Variants in H3-3B observed in about 807,000 individuals in gnomAD.
H3-3B encodes the protein histone H3.3.
In H3-3B, 2 loss-of-function variants were observed where a neutral mutation model predicts 13.1. That is an observed-to-expected ratio of 0.15 (90% confidence interval 0.06 to 0.48). The LOEUF (loss-of-function observed/expected upper bound fraction) is 0.48. H3-3B is among the 20% of genes least tolerant of loss of function. The probability of loss-of-function intolerance (pLI) is 0.97; values close to 1 mark genes in which losing one functional copy is unlikely to be tolerated. For synonymous variants in H3-3B, 133 were observed against 75.8 expected (o/e 1.76, Z -3.92); for missense variants, 39 against 186.0 (o/e 0.21, Z 4.60).
rs951126003 is a variant in H3-3B at position 75,776,780 on chromosome 17, C to G, written c.*1815G>C. On this transcript the variant is annotated 3_prime_UTR_variant, in exon 4 of 4. Transcript: ENST00000254810. ...TCATCACCGTAGCCAGGTTTGTGTACTTTGTTTCCAGACACGCTACAGCAT... is the reference window on the plus strand; with the variant it reads ...TCATCACCGTAGCCAGGTTTGTGTAGTTTGTTTCCAGACACGCTACAGCAT... The G allele has an allele frequency of 2.6e-5, 4 of 152,240 alleles. No individual in the cohort carries two copies. Among genetic ancestry groups the G allele is most frequent in the African/African-American group, 9.7e-5 (4 of 41,442 alleles). 9.4% of individuals were successfully genotyped at this position (152,240 alleles called of 1,614,324 possible). A position where few individuals can be genotyped will look rare whatever the true frequency, so the allele number is the denominator to read the frequency against.
At position 75,778,531 on chromosome 17, in the gene H3-3B, G is replaced by A. The variant is rs944391475; in HGVS notation, c.*64C>T. On this transcript the variant is annotated 3_prime_UTR_variant, in exon 4 of 4. Transcript: ENST00000254810. ...TTATAAACAATTTCTTACAAAAAAA[G>A]TCACAAATTAAACCAAAGTATTTTA... 6.2e-5 allele frequency: 97 copies of A among 1,555,620 alleles called. No homozygotes were observed. Among genetic ancestry groups the A allele is most frequent in the Non-Finnish European group, 7.6e-5 (88 of 1,150,500 alleles).
Position 75,778,116 on chromosome 17 carries a change from TAC to T in H3-3B, c.*477_*478del, listed in dbSNP as rs1417417077. The stretch of plus-strand genomic sequence containing the variant: ...TAGTGTATTCTATAGCTGCCAGGTT[TAC>T]TTTTTTTTTTTTTAAAGGAAACTGT... On this transcript the variant is annotated 3_prime_UTR_variant, in exon 4 of 4. Transcript: ENST00000254810. 3 of 151,426 alleles carry T rather than the reference TAC, an allele frequency of 2.0e-5. No homozygotes were observed. Among genetic ancestry groups the T allele is most frequent in the African/African-American group, 7.5e-5 (3 of 39,932 alleles). The allele number at this position is 151,426 out of a possible 1,614,324, so 9.4% of individuals were successfully genotyped here.
At chr17:75,778,773 C>T in intron 3 of H3-3B, 37 bp downstream of exon 3, 2 of 1,614,108 alleles carry the variant, frequency 1.2e-6, no homozygotes, top group Non-Finnish European at 8.5e-7. Flanking sequence ...GAGCGGAAAC[C>T]GCCCAGCCCT....
rs2061646320 is a variant in H3-3B, at chr17:75,777,851, C to T, written c.*744G>A. The T allele has an allele frequency of 6.6e-6, 1 of 152,520 alleles. No individual in the cohort carries two copies. The highest frequency in any genetic ancestry group is 1.9e-4 in the East Asian group (1 of 5,200). The allele number at this position is 152,520 out of a possible 1,614,324, so 9.4% of individuals were successfully genotyped here. A position where few individuals can be genotyped will look rare whatever the true frequency, so the allele number is the denominator to read the frequency against. Reference sequence around the variant, plus strand: ...TCTAGAGCCCTTATAAATAAAATCCCCCAGTTAGTGTTTGCATTATCAGCT... The same window carrying T: ...TCTAGAGCCCTTATAAATAAAATCCTCCAGTTAGTGTTTGCATTATCAGCT... On this transcript the variant is annotated 3_prime_UTR_variant, in exon 4 of 4. Coordinates refer to ENST00000254810, the MANE Select transcript of H3-3B (RefSeq NM_005324.5).
Position 75,778,701 on chromosome 17 carries a change from A to G in H3-3B, c.305T>C (p.Val102Ala). 1 of 1,614,134 alleles carries G rather than the reference A, an allele frequency of 6.2e-7. No homozygotes were observed. The highest frequency in any genetic ancestry group is 1.1e-5 in the South Asian group (1 of 91,078). The stretch of plus-strand genomic sequence containing the variant: ...CAGGTTGGTATCTTCGAACAGACCC[A>G]CCAGGTACGCTTCGCTAGCCTCCTG... ...ALQEASEAYL[V>A]GLFEDTNLCA... is the part of the protein sequence containing the mutation. The change falls in exon 4 of 4, where the codon GTG (valine) becomes GCG (alanine). Residue 102 changes from valine (V) to alanine (A), a missense_variant. By Grantham distance (64) the Val-to-Ala change is moderately conservative (BLOSUM62 0). Transcript: ENST00000254810.
At chr17:75,779,014 A>ACCG (rs756599830) in intron 2 of H3-3B, 33 bp downstream of exon 2, 9 of 1,611,814 alleles carry the variant, frequency 5.6e-6, no homozygotes, top group Non-Finnish European at 7.6e-6. Flanking sequence ...AAAGCCGGCC[A>ACCG]CCGCCGGGCC....
chr17:75,777,080 T>G lies in H3-3B; in HGVS notation c.*1515A>C, dbSNP rs1031655853. 1.3e-5 allele frequency: 2 copies of G among 152,244 alleles called. No individual in the cohort carries two copies. The highest frequency in any genetic ancestry group is 2.9e-5 in the Non-Finnish European group (2 of 68,042). 9.4% of individuals were successfully genotyped at this position (152,244 alleles called of 1,614,324 possible). ...AAACGTGGAACGCTTTGATGACTGC[T>G]GGCTCTCATGCTGTCTCACTGACAT... On this transcript the variant is annotated 3_prime_UTR_variant, in exon 4 of 4. Transcript: ENST00000254810.
rs913325178 is a variant in H3-3B at position 75,778,494 on chromosome 17, A to C, written c.*101T>G. On this transcript the variant is annotated 3_prime_UTR_variant, in exon 4 of 4. Transcript: ENST00000254810. ...GTGAAAGATGGAATGACTTAAGTAC[A>C]AATGCAACATATTATAAACAATTTC... 2.0e-6 allele frequency: 3 copies of C among 1,477,800 alleles called. No homozygotes were observed. The highest frequency in any genetic ancestry group is 2.8e-6 in the Non-Finnish European group (3 of 1,088,604). 91.5% of individuals were successfully genotyped at this position (1,477,800 alleles called of 1,614,324 possible). A position where few individuals can be genotyped will look rare whatever the true frequency, so the allele number is the denominator to read the frequency against.
Position 75,779,087 on chromosome 17 carries a change from C to T in H3-3B, c.88G>A (p.Ala30Thr). 6.2e-7 allele frequency: 1 copy of T among 1,606,710 alleles called. No homozygotes were observed. Among genetic ancestry groups the T allele is most frequent in the Non-Finnish European group, 8.5e-7 (1 of 1,177,260 alleles). ...QLATKAARKS[A>T]PSTGGVKKPH... ...TTCTTCACCCCGCCGGTAGAGGGAG[C>T]GCTTTTCCTGGCGGCTTTCGTGGCC... is the stretch of plus-strand genomic sequence containing the variant. Residue 30 changes from alanine to threonine, a missense_variant, in exon 2 of 4, where the codon GCT becomes ACT. Transcript: ENST00000254810.
In H3-3B at chr17:75,778,717, T is replaced by C. The variant is rs776430564; in HGVS notation, c.289A>G (p.Ser97Gly). 2.5e-6 allele frequency: 4 copies of C among 1,614,038 alleles called. No individual in the cohort carries two copies. Among genetic ancestry groups the C allele is most frequent in the Non-Finnish European group, 3.4e-6 (4 of 1,180,016 alleles). Residue 97 changes from serine to glycine, a missense_variant, in exon 4 of 4, where the codon AGC (serine) becomes GGC (glycine). Transcript: ENST00000254810. ...AACAGACCCACCAGGTACGCTTCGC[T>C]AGCCTCCTGTTGAGGACGAGAGCCG... ...SAAIGALQEA[S>G]EAYLVGLFED...
Position 75,778,825 on chromosome 17 carries a change from G to A in H3-3B, c.267C>T (p.Ala89=), listed in dbSNP as rs150028698. ...TTTGTCTTACCTGCAGCGCACCGAT[G>A]GCTGCGCTCTGAAACCTCAGGTCGG... ...FKTDLRFQSA[A]IGALQEASEA... Residue 89 remains alanine, a synonymous_variant, in exon 3 of 4, where the codon GCC becomes GCT. Coordinates refer to ENST00000254810, the MANE Select transcript of H3-3B (RefSeq NM_005324.5). 1.9e-5 allele frequency: 31 copies of A among 1,614,184 alleles called. No homozygotes were observed. The highest frequency in any genetic ancestry group is 6.7e-5 in the East Asian group (3 of 44,882).
In H3-3B at chr17:75,779,347, C is replaced by T. The variant is rs1436472115; in HGVS notation, c.-10-163G>A. The T allele has an allele frequency of 4.1e-5, 27 of 661,208 alleles. No homozygotes were observed. The East Asian group carries it at 9.3e-4, about 23-fold the overall frequency. The allele number at this position is 661,208 out of a possible 1,614,324, so 41.0% of individuals were successfully genotyped here. On this transcript the variant is annotated intron_variant, in intron 1 of 3. Transcript: ENST00000254810. ...GAGGGCCGCCAACCTCCTCCCCCTCCCCTAATGACTCAGGCTGCGAGGAGC... is the reference window on the plus strand; with the variant it reads ...GAGGGCCGCCAACCTCCTCCCCCTCTCCTAATGACTCAGGCTGCGAGGAGC...
Position 75,778,731 on chromosome 17 carries a change from G to T in H3-3B, c.283-8C>A. The T allele has an allele frequency of 6.2e-7, 1 of 1,614,160 alleles. No individual in the cohort carries two copies. The highest frequency in any genetic ancestry group is 8.5e-7 in the Non-Finnish European group (1 of 1,180,028). On this transcript the variant is annotated splice_region_variant and splice_polypyrimidine_tract_variant and intron_variant, in intron 3 of 3. Coordinates refer to ENST00000254810, the MANE Select transcript of H3-3B (RefSeq NM_005324.5). Reference sequence around the variant, plus strand: ...GTACGCTTCGCTAGCCTCCTGTTGAGGACGAGAGCCGCACTATTAATCCCA... The same window carrying T: ...GTACGCTTCGCTAGCCTCCTGTTGATGACGAGAGCCGCACTATTAATCCCA...
At chr17:75,779,381 C>A (rs750003623) in intron 1 of H3-3B, 197 bp from the exon 2 acceptor site, 33 of 468,980 alleles carry the variant, frequency 7.0e-5, no homozygotes, top group Non-Finnish European at 1.4e-5. Context: ...GCGGCAGCCT[C>A]CCCCGGGAGG....
chr17:75,778,421 C>T lies in H3-3B; in HGVS notation c.*174G>A. The stretch of plus-strand genomic sequence containing the variant: ...AACTTGTCACTCCTGAGCAACAGTG[C>T]TCACATCACTGAGGTCTGTGAACAG... On this transcript the variant is annotated 3_prime_UTR_variant, in exon 4 of 4. Transcript: ENST00000254810. 2 of 837,274 alleles carry T rather than the reference C, an allele frequency of 2.4e-6. No homozygotes were observed. The allele number at this position is 837,274 out of a possible 1,614,324, so 51.9% of individuals were successfully genotyped here.
Position 75,776,519 on chromosome 17 carries a change from C to T in H3-3B, c.*2076G>A, listed in dbSNP as rs1599341323. On this transcript the variant is annotated 3_prime_UTR_variant, in exon 4 of 4. Coordinates refer to ENST00000254810, the MANE Select transcript of H3-3B (RefSeq NM_005324.5). Reference sequence around the variant, plus strand: ...TGCAACTTCTGCTTTTCTCCTTTGCCTCTGCTCCTTTACCCTTACCGAGGG... The same window carrying T: ...TGCAACTTCTGCTTTTCTCCTTTGCTTCTGCTCCTTTACCCTTACCGAGGG... 1 of 152,220 alleles carries T rather than the reference C, an allele frequency of 6.6e-6. No homozygotes were observed. Among genetic ancestry groups the T allele is most frequent in the South Asian group, 2.1e-4 (1 of 4,836 alleles). 9.4% of individuals were successfully genotyped at this position (152,220 alleles called of 1,614,324 possible). A position where few individuals can be genotyped will look rare whatever the true frequency, so the allele number is the denominator to read the frequency against.
intron 1 of H3-3B, chr17:75,779,397 C>T (rs2061655118): frequency 2.5e-6 from 1 of 406,600 alleles, no homozygotes; most frequent in Non-Finnish European, 4.2e-6. Context: ...GGAGGGGGAG[C>T]GCGGGGAGGA....
rs370991523 is a variant in H3-3B, at chr17:75,779,178, C to T, written c.-4G>A. 54 of 1,526,114 alleles carry T rather than the reference C, an allele frequency of 3.5e-5. No individual in the cohort carries two copies. Among genetic ancestry groups the T allele is most frequent in the Non-Finnish European group, 4.6e-5 (52 of 1,140,978 alleles). The allele number at this position is 1,526,114 out of a possible 1,614,324, so 94.5% of individuals were successfully genotyped here. On this transcript the variant is annotated 5_prime_UTR_variant, in exon 2 of 4. Transcript: ENST00000254810. ...CAGTCTGCTTGGTTCGGGCCATTTT[C>T]TTTCACCTAAGAAAGACGCCCCGAA... is the stretch of plus-strand genomic sequence containing the variant.
rs1191961906 is a variant in H3-3B at position 75,779,039 on chromosome 17, C to A, written c.128+8G>T. On this transcript the variant is annotated splice_region_variant and intron_variant, in intron 2 of 3. Transcript: ENST00000254810. Reference sequence around the variant, plus strand: ...ACCGCCGGGCCATTGTTCCCCCGCCCGACCTACCTGTAGCGATGAGGCTTC... The same window carrying A: ...ACCGCCGGGCCATTGTTCCCCCGCCAGACCTACCTGTAGCGATGAGGCTTC... The A allele has an allele frequency of 1.9e-6, 3 of 1,610,012 alleles. No homozygotes were observed. The highest frequency in any genetic ancestry group is 4.5e-5 in the East Asian group (2 of 44,738).
Sources: allele counts gnomAD v4.1 joint callset, GRCh38; gene constraint gnomAD v4.1.1; transcripts MANE v1.5; gene names NCBI Gene and HGNC (gene_info 2026-07-23, HGNC 2026-07-21).